RPS6KC1: variants seen among roughly 807,000 people sequenced by gnomAD.
RPS6KC1 encodes the protein inactive ribosomal protein S6 kinase delta-1.
In RPS6KC1, 54 loss-of-function variants were observed where a neutral mutation model predicts 103.8. The ratio of observed to expected loss-of-function variants is 0.52; its 90% CI spans 0.42 to 0.65. The LOEUF (loss-of-function observed/expected upper bound fraction) is 0.65. Among genes scored for constraint, RPS6KC1 ranks in the 30% least tolerant of loss-of-function variants. The pLI, the probability that RPS6KC1 is intolerant of heterozygous loss-of-function variation, is 0.00. For missense variants in RPS6KC1, 1,151 were observed against 1,253.8 expected, an observed-to-expected ratio of 0.92 and a Z score of 1.24; for synonymous variants, 439 against 438.7, an observed-to-expected ratio of 1.00 and a Z score of -0.01.
At chr1:213,166,192 A>T (rs2090952377) in intron 6 of RPS6KC1, among the ~76,000 whole-genome samples, 1 of 152,056 alleles carries the variant, frequency 6.6e-6, no homozygotes, top group African/African-American at 2.4e-5. Context: ...TAAAAAGTAA[A>T]TTGCCATAGT....
At chr1:213,536,893 G>C in the RPS6KC1 span, among the ~76,000 whole-genome samples, 1 of 152,130 alleles carries the variant, frequency 6.6e-6, no homozygotes, top group Admixed American at 6.6e-5. Context: ...AGAGCCCAGT[G>C]GGGGGCGGGC....
chr1:213,595,921 C>T, the RPS6KC1 span, among the ~76,000 whole-genome samples: 1 of 152,130 alleles, frequency 6.6e-6, no homozygotes, highest in East Asian at 1.9e-4. Context: ...GCAGAATGCC[C>T]AGTTCCCAAG....
At chr1:213,348,154 T>G in the RPS6KC1 span, among the ~76,000 whole-genome samples, 1 of 152,194 alleles carries the variant, frequency 6.6e-6, no homozygotes, top group South Asian at 2.1e-4. Context: ...CTTGTTGAAA[T>G]GTACATTTCC....
At chr1:213,540,155 C>T in the RPS6KC1 span, among the ~76,000 whole-genome samples, 1 of 152,088 alleles carries the variant, frequency 6.6e-6, no homozygotes, top group Non-Finnish European at 1.5e-5. Context: ...CTTTGTCATC[C>T]TGGCTAGAGT....
the RPS6KC1 span, among the ~76,000 whole-genome samples, chr1:213,783,042 C>G: frequency 6.6e-6 from 1 of 152,118 alleles, no homozygotes; most frequent in Non-Finnish European, 1.5e-5. Flanking sequence ...TTTTCAAGAC[C>G]AAGAGGTATG....
At chr1:213,611,572 G>A in the RPS6KC1 span, among the ~76,000 whole-genome samples, 1 of 152,184 alleles carries the variant, frequency 6.6e-6, no homozygotes, top group South Asian at 2.1e-4. Context: ...ATCTTACGTA[G>A]TCATGTAAAG....
chr1:213,256,634 G>T (rs896157766), intron 12 of RPS6KC1, among the ~76,000 whole-genome samples: 1 of 152,132 alleles, frequency 6.6e-6, no homozygotes, highest in Non-Finnish European at 1.5e-5. Context: ...GGTTGCACAG[G>T]CTTCCTCTAG....
At chr1:213,453,373 G>A in the RPS6KC1 span, among the ~76,000 whole-genome samples, 3,135 of 152,174 alleles carry the variant, frequency 0.021, 53 homozygotes, top group Non-Finnish European at 0.034. Flanking sequence ...TGGTGGGAGA[G>A]GAGCAGGCTG....
chr1:213,113,670 T>C (rs1011283291), intron 4 of RPS6KC1, among the ~76,000 whole-genome samples: 2 of 150,824 alleles, frequency 1.3e-5, no homozygotes, highest in Non-Finnish European at 3.0e-5. Context: ...CTAGGTTTTC[T>C]TCTAGGGTTT....
chr1:213,306,537 T>C, the RPS6KC1 span, among the ~76,000 whole-genome samples: 3 of 152,216 alleles, frequency 2.0e-5, no homozygotes, highest in Non-Finnish European at 4.4e-5. Flanking sequence ...TTAACCTGGA[T>C]GTCATAATGG....
At chr1:213,816,468 C>T in the RPS6KC1 span, among the ~76,000 whole-genome samples, 1 of 152,190 alleles carries the variant, frequency 6.6e-6, no homozygotes. Flanking sequence ...AGAGTCAGCT[C>T]TGACCATCTG....
the RPS6KC1 span, among the ~76,000 whole-genome samples, chr1:213,440,189 C>G: frequency 6.6e-6 from 1 of 152,136 alleles, no homozygotes; most frequent in Non-Finnish European, 1.5e-5. Flanking sequence ...CATCCTTCCC[C>G]AACTCCCTAC....
intron 6 of RPS6KC1, among the ~76,000 whole-genome samples, chr1:213,160,935 C>G (rs903947047): frequency 6.6e-6 from 1 of 151,686 alleles, no homozygotes; most frequent in Non-Finnish European, 1.5e-5. Context: ...CAACATGGCA[C>G]ATGTATACAT....
chr1:213,528,772 G>A, the RPS6KC1 span, among the ~76,000 whole-genome samples: 1 of 152,146 alleles, frequency 6.6e-6, no homozygotes, highest in African/African-American at 2.4e-5. Context: ...GTTTCACCCT[G>A]CGTCCTCCAA....
chr1:213,134,992 G>T (rs940174326), intron 6 of RPS6KC1, among the ~76,000 whole-genome samples: 5 of 152,116 alleles, frequency 3.3e-5, no homozygotes, highest in African/African-American at 4.8e-5. Flanking sequence ...AGACATTCTT[G>T]TCTTGTTCCT....
At chr1:213,339,480 G>A in the RPS6KC1 span, among the ~76,000 whole-genome samples, 2 of 152,148 alleles carry the variant, frequency 1.3e-5, no homozygotes, top group African/African-American at 4.8e-5. Flanking sequence ...GTGTAGCGTT[G>A]CTTTAAGCAA....
chr1:213,594,227 T>C, the RPS6KC1 span, among the ~76,000 whole-genome samples: 1 of 152,162 alleles, frequency 6.6e-6, no homozygotes, highest in African/African-American at 2.4e-5. Flanking sequence ...TTCAGTAGGA[T>C]TACATTTGAC....
intron 12 of RPS6KC1, among the ~76,000 whole-genome samples, chr1:213,259,926 A>G (rs1194711553): frequency 6.6e-6 from 1 of 151,634 alleles, no homozygotes; most frequent in East Asian, 1.9e-4. Flanking sequence ...TTTAATAGAG[A>G]TGGGGTTTCG....
intron 4 of RPS6KC1, 72 bp from the exon 5 acceptor site, chr1:213,117,245 G>A: frequency 3.5e-6 from 3 of 847,408 alleles, no homozygotes; most frequent in South Asian, 1.6e-5. Flanking sequence ...ACTTAATTGG[G>A]ATAACTATTT....
Sources: gnomAD v4.1 joint callset for allele counts (sites outside exome capture counted in the v4.1 genomes callset) on GRCh38, gnomAD v4.1.1 for gene constraint, MANE v1.5 for transcripts, NCBI Gene and HGNC (gene_info 2026-07-23, HGNC 2026-07-21) for gene names.